Variants in INSIG2 observed in about 807,000 individuals in gnomAD.
INSIG2 encodes insulin-induced gene 2 protein.
In INSIG2, 10 loss-of-function variants were observed where a neutral mutation model predicts 27.2. The ratio of observed to expected loss-of-function variants is 0.37; its 90% CI spans 0.23 to 0.62. The LOEUF (loss-of-function observed/expected upper bound fraction) is 0.62. Ranked by LOEUF, INSIG2 falls within the 20% of genes least tolerant of loss-of-function variation. The pLI is 0.65. For missense variants in INSIG2, 178 were observed against 270.2 expected (o/e 0.66, Z 2.39); for synonymous variants, 97 against 95.8 (o/e 1.01, Z -0.07).
At chr2:118,090,635 AT>A (rs1301289402) in intron 1 of INSIG2, among the ~76,000 whole-genome samples, 3 of 152,252 alleles carry the variant, frequency 2.0e-5, no homozygotes, top group Non-Finnish European at 2.9e-5. Context: ...TCAGCGTAGA[AT>A]TTTTCAAGTC....
At chr2:118,108,161 G>T in intron 5 of INSIG2, 120 bp from the exon 6 acceptor site, 1 of 606,112 alleles carries the variant, frequency 1.6e-6, no homozygotes, top group Non-Finnish European at 2.9e-6. Context: ...TGGATTATTT[G>T]AGGAATAAAT....
intron 2 of INSIG2, among the ~76,000 whole-genome samples, chr2:118,101,432 T>C (rs148005001): frequency 1.2e-3 from 181 of 152,346 alleles, no homozygotes; most frequent in African/African-American, 4.2e-3. Context: ...TCGATTTTAC[T>C]TATTTATACC....
chr2:118,099,870 C>T (rs902032811), intron 2 of INSIG2, among the ~76,000 whole-genome samples: 2 of 152,110 alleles, frequency 1.3e-5, no homozygotes, highest in African/African-American at 4.8e-5. Context: ...AGTCTTTAGT[C>T]TTTGCCGGCC....
intron 1 of INSIG2, among the ~76,000 whole-genome samples, chr2:118,091,260 A>G (rs983918540): frequency 2.6e-5 from 4 of 152,192 alleles, no homozygotes; most frequent in African/African-American, 9.6e-5. Flanking sequence ...TTTTAAAGGA[A>G]TTTCATTGTT....
At chr2:118,099,524 C>T (rs1339666456) in intron 2 of INSIG2, among the ~76,000 whole-genome samples, 1 of 152,102 alleles carries the variant, frequency 6.6e-6, no homozygotes, top group Non-Finnish European at 1.5e-5. Flanking sequence ...GTGTGCCATG[C>T]ACCAGAATTG....
At chr2:118,098,723 A>G (rs1457482980) in intron 2 of INSIG2, among the ~76,000 whole-genome samples, 2 of 152,144 alleles carry the variant, frequency 1.3e-5, no homozygotes, top group South Asian at 4.1e-4. Flanking sequence ...TTTGCCATAA[A>G]CTTACATTTT....
chr2:118,108,315 A>T lies in INSIG2; in HGVS notation c.671A>T (p.Gln224Leu). Reference protein sequence around the residue: ...ECKVIAEKSHQE With the variant: ...ECKVIAEKSHLE ...AAAGTTATCGCAGAAAAATCTCATC[A>T]GGAATGAAGAAGGCAAAAAATATCT... The change falls in exon 6 of 6, where the codon CAG (glutamine) becomes CTG (leucine). Residue 224 changes from glutamine (Q) to leucine (L), a missense_variant. Gln to Leu is a moderately radical substitution (Grantham distance 113). Transcript: ENST00000245787. The T allele has an allele frequency of 6.3e-7, 1 of 1,599,756 alleles. No homozygotes were observed. The highest frequency in any genetic ancestry group is 8.5e-7 in the Non-Finnish European group (1 of 1,172,600).
chr2:118,109,748 C>G lies in INSIG2; in HGVS notation c.*1426C>G, dbSNP rs1354629879. 1 of 151,800 alleles carries G rather than the reference C, an allele frequency of 6.6e-6. No homozygotes were observed. The allele number at this position is 151,800 out of a possible 1,614,324, so 9.4% of individuals were successfully genotyped here. On this transcript the variant is annotated 3_prime_UTR_variant, in exon 6 of 6. Coordinates refer to ENST00000245787, the MANE Select transcript of INSIG2 (RefSeq NM_016133.4). ...GAGATCTTGTATGCCAAACTTTAAT[C>G]TGCTTTTATGTTTTCAGGCTGAAGG...
chr2:118,089,405 A>G (rs1678172815), intron 1 of INSIG2, among the ~76,000 whole-genome samples: 1 of 152,156 alleles, frequency 6.6e-6, no homozygotes. Flanking sequence ...TGGTATCAGT[A>G]TTGCGGTGGA....
chr2:118,108,322 A>T lies in INSIG2; in HGVS notation c.678A>T (p.Ter226CysextTer17). ...TCGCAGAAAAATCTCATCAGGAATGAAGAAGGCAAAAAATATCTTTTGTAC... is the reference window on the plus strand; with the variant it reads ...TCGCAGAAAAATCTCATCAGGAATGTAGAAGGCAAAAAATATCTTTTGTAC... ...KVIAEKSHQE* is the reference protein window; with the variant it reads ...KVIAEKSHQEC Residue 226 changes from the stop codon to cysteine, a stop_lost, in exon 6 of 6, where the codon TGA (stop) becomes TGT (cysteine). Transcript: ENST00000245787. The T allele has an allele frequency of 6.3e-7, 1 of 1,594,936 alleles. No individual in the cohort carries two copies.
chr2:118,097,867 G>A (rs962199578), intron 2 of INSIG2, among the ~76,000 whole-genome samples: 9 of 152,268 alleles, frequency 5.9e-5, no homozygotes, highest in Admixed American at 1.3e-4. Context: ...TGCGCTTTAC[G>A]GAAGTGTTAG....
intron 2 of INSIG2, among the ~76,000 whole-genome samples, chr2:118,099,209 G>A (rs1218479948): frequency 6.6e-6 from 1 of 152,134 alleles, no homozygotes; most frequent in Non-Finnish European, 1.5e-5. Flanking sequence ...TCAAGACCTC[G>A]CTAGGGTCTT....
At chr2:118,094,052 A>AT (rs1678344220) in intron 1 of INSIG2, among the ~76,000 whole-genome samples, 1 of 67,366 alleles carries the variant, frequency 1.5e-5, no homozygotes, top group Non-Finnish European at 3.0e-5. Flanking sequence ...ATGATGATGG[A>AT]GAGTTCTGTA....
intron 1 of INSIG2, among the ~76,000 whole-genome samples, chr2:118,095,569 T>C (rs1678386727): frequency 6.6e-6 from 1 of 152,186 alleles, no homozygotes; most frequent in South Asian, 2.1e-4. Flanking sequence ...GAAAGATCAC[T>C]TTGGTTAGAG....
intron 3 of INSIG2, among the ~76,000 whole-genome samples, chr2:118,106,056 TC>T (rs1277966716): frequency 6.6e-6 from 1 of 152,190 alleles, no homozygotes; most frequent in Non-Finnish European, 1.5e-5. Context: ...GAGCAAACTG[TC>T]CTATACCAGA....
chr2:118,106,979 A>C, intron 4 of INSIG2, 76 bp downstream of exon 4: 1 of 1,544,232 alleles, frequency 6.5e-7, no homozygotes, highest in Non-Finnish European at 8.9e-7. Flanking sequence ...AATTGAGATT[A>C]TGAAATGAGG....
rs144954380 is a variant in INSIG2 at position 118,108,296 on chromosome 2, A to T, written c.652A>T (p.Ile218Phe). The part of the protein sequence containing the change: ...RQLAMYECKV[I>F]AEKSHQE ...ATTTTTGCAGTACGAATGTAAAGTT[A>T]TCGCAGAAAAATCTCATCAGGAATG... The change falls in exon 6 of 6, where the codon ATC becomes TTC. Residue 218 changes from isoleucine to phenylalanine, a missense_variant. Transcript: ENST00000245787. The T allele has an allele frequency of 1.5e-4, 233 of 1,595,600 alleles. 1 individual carries two copies. In the South Asian group the frequency reaches 1.6e-3, roughly 11 times the overall value.
In INSIG2 at chr2:118,109,428, TAA is replaced by T. The variant is rs1678759300; in HGVS notation, c.*1107_*1108del. 6.6e-6 allele frequency: 1 copy of T among 152,208 alleles called. No homozygotes were observed. The highest frequency in any genetic ancestry group is 1.5e-5 in the Non-Finnish European group (1 of 68,034). The allele number at this position is 152,208 out of a possible 1,614,324, so 9.4% of individuals were successfully genotyped here. A position where few individuals can be genotyped will look rare whatever the true frequency, so the allele number is the denominator to read the frequency against. On this transcript the variant is annotated 3_prime_UTR_variant, in exon 6 of 6. Transcript: ENST00000245787. ...CATTAGTGAATAGTTCAAGTCTGTTTAAGAGTGTATTGAGATGGCATTCTCTG... is the reference window on the plus strand; with the variant it reads ...CATTAGTGAATAGTTCAAGTCTGTTTGAGTGTATTGAGATGGCATTCTCTG...
chr2:118,095,138 T>G (rs1311298232), intron 1 of INSIG2, among the ~76,000 whole-genome samples: 1 of 152,272 alleles, frequency 6.6e-6, no homozygotes, highest in African/African-American at 2.4e-5. Context: ...GTAGTCATTA[T>G]AAGTGCTACA....
Sources: gnomAD v4.1 joint callset for allele counts (sites outside exome capture counted in the v4.1 genomes callset) on GRCh38, gnomAD v4.1.1 for gene constraint, MANE v1.5 for transcripts, NCBI Gene and HGNC (gene_info 2026-07-23, HGNC 2026-07-21) for gene names.